Variants in OR11A1 observed in about 807,000 individuals in gnomAD.
The protein encoded by OR11A1 is olfactory receptor 11A1.
For synonymous variants in OR11A1, 158 were observed against 152.2 expected, an observed-to-expected ratio of 1.04 and a Z score of -0.28; for missense variants, 380 against 378.2, an observed-to-expected ratio of 1.00 and a Z score of -0.04.
chr6:29,442,073 G>A (rs1344713088), intron 1 of OR11A1, among the ~76,000 whole-genome samples: 1 of 152,182 alleles, frequency 6.6e-6, no homozygotes, highest in Non-Finnish European at 1.5e-5. Context: ...ATAGTATCTT[G>A]ATAGATGTTT....
intron 4 of OR11A1, 128 bp from the exon 5 acceptor site, chr6:29,427,860 T>A: frequency 1.4e-6 from 1 of 712,146 alleles, no homozygotes; most frequent in Non-Finnish European, 2.2e-6. Flanking sequence ...CTGCCTTCCT[T>A]AATTGTGCAT....
At chr6:29,427,831 C>A in intron 4 of OR11A1, 99 bp from the exon 5 acceptor site, 1 of 868,216 alleles carries the variant, frequency 1.2e-6, no homozygotes, top group South Asian at 2.0e-5. Flanking sequence ...GTCATTCCTT[C>A]CTCAACTCTC....
chr6:29,452,374 CA>C (rs1206308593), intron 1 of OR11A1, among the ~76,000 whole-genome samples: 2 of 151,752 alleles, frequency 1.3e-5, no homozygotes, highest in African/African-American at 2.4e-5. Flanking sequence ...AAAGGGCAAA[CA>C]AAAAAATTGT....
chr6:29,448,642 G>A (rs570602158), intron 1 of OR11A1, among the ~76,000 whole-genome samples: 21 of 152,174 alleles, frequency 1.4e-4, no homozygotes, highest in African/African-American at 4.3e-4. Flanking sequence ...GCAATTTTCT[G>A]TGTCCATTCT....
intron 1 of OR11A1, among the ~76,000 whole-genome samples, chr6:29,436,050 T>A (rs1453822333): frequency 1.3e-5 from 2 of 152,182 alleles, no homozygotes; most frequent in African/African-American, 2.4e-5. Context: ...GTGGATTCAG[T>A]ATTTGCAAAG....
rs1260700941 is a variant in OR11A1, at chr6:29,431,860, G to C, written c.-265+4C>G. 1 of 985,218 alleles carries C rather than the reference G, an allele frequency of 1.0e-6. No individual in the cohort carries two copies. Among genetic ancestry groups the C allele is most frequent in the Non-Finnish European group, 1.2e-6 (1 of 829,824 alleles). 61.0% of individuals were successfully genotyped at this position (985,218 alleles called of 1,614,324 possible). ...TGTAAAGAATTTTACAAAAATAAAC[G>C]TACCCGAAATATCGACCCTGTTCTC... On this transcript the variant is annotated splice_donor_region_variant and intron_variant, in intron 2 of 4. Coordinates refer to ENST00000377149, the MANE Select transcript of OR11A1 (RefSeq NM_001394828.1).
intron 1 of OR11A1, among the ~76,000 whole-genome samples, chr6:29,435,645 G>C (rs1263865955): frequency 6.6e-6 from 1 of 152,046 alleles, no homozygotes; most frequent in African/African-American, 2.4e-5. Context: ...AACTTCTTGA[G>C]GATTAACAAT....
intron 4 of OR11A1, chr6:29,428,421 A>G: frequency 1.0e-6 from 1 of 985,434 alleles, no homozygotes; most frequent in Non-Finnish European, 1.2e-6. Context: ...AGGCTTTCTG[A>G]AGATAGAAGC....
chr6:29,444,947 A>G (rs957806435), intron 1 of OR11A1, among the ~76,000 whole-genome samples: 1 of 151,892 alleles, frequency 6.6e-6, no homozygotes, highest in Non-Finnish European at 1.5e-5. Flanking sequence ...ATCCCATGGG[A>G]CCCACTCACT....
intron 1 of OR11A1, among the ~76,000 whole-genome samples, chr6:29,451,758 G>C (rs1010615129): frequency 1.3e-5 from 2 of 152,198 alleles, no homozygotes; most frequent in Admixed American, 6.5e-5. Context: ...ATGCTGCTGA[G>C]AATGTATGTT....
At chr6:29,436,078 T>C (rs1003334729) in intron 1 of OR11A1, among the ~76,000 whole-genome samples, 1 of 152,142 alleles carries the variant, frequency 6.6e-6, no homozygotes, top group East Asian at 1.9e-4. Flanking sequence ...CTCCCTAACA[T>C]CTATTTTTAA....
intron 1 of OR11A1, among the ~76,000 whole-genome samples, chr6:29,444,172 G>A (rs893530359): frequency 3.9e-5 from 6 of 152,132 alleles, no homozygotes; most frequent in African/African-American, 1.2e-4. Flanking sequence ...GGTCTCACAT[G>A]ATCTGATGGT....
intron 1 of OR11A1, among the ~76,000 whole-genome samples, chr6:29,438,249 C>A (rs1783798015): frequency 6.6e-6 from 1 of 151,506 alleles, no homozygotes; most frequent in African/African-American, 2.4e-5. Flanking sequence ...TAATAGATAC[C>A]AATGATAAAA....
At chr6:29,455,189 C>T (rs1404855398) in intron 1 of OR11A1, among the ~76,000 whole-genome samples, 5 of 152,140 alleles carry the variant, frequency 3.3e-5, no homozygotes, top group Non-Finnish European at 7.4e-5. Context: ...TTAAAAGCTT[C>T]TTCTCCTTTG....
In OR11A1 at chr6:29,430,433, G is replaced by GA; in HGVS notation, c.-264-9dup. On this transcript the variant is annotated splice_polypyrimidine_tract_variant and intron_variant, in intron 2 of 4. Coordinates refer to ENST00000377149, the MANE Select transcript of OR11A1 (RefSeq NM_001394828.1). The stretch of plus-strand genomic sequence containing the variant: ...AGTCTTTCTATAGGATTCCTGCCAG[G>GA]AGAGAGGTGAGCATGTAAATCAGGC... 1.0e-6 allele frequency: 1 copy of GA among 985,368 alleles called. No individual in the cohort carries two copies. Among genetic ancestry groups the GA allele is most frequent in the Non-Finnish European group, 1.2e-6 (1 of 829,912 alleles). The allele number at this position is 985,368 out of a possible 1,614,324, so 61.0% of individuals were successfully genotyped here.
In OR11A1 at chr6:29,433,965, T is replaced by A. The variant is rs529163771; in HGVS notation, c.-388-1978A>T. Among the ~76,000 whole-genome samples, 16 of 152,302 alleles carry A rather than the reference T, an allele frequency of 1.1e-4. No individual in the cohort carries two copies. In the East Asian group the frequency reaches 2.3e-3, roughly 22 times the overall value. On this transcript the variant is annotated intron_variant, in intron 1 of 4. Coordinates refer to ENST00000377149, the MANE Select transcript of OR11A1 (RefSeq NM_001394828.1). ...CTTGTACCTGTTTGTCATTTGTACGTCTTCTTTTGAGAAATGTCTATTCAG... is the reference window on the plus strand; with the variant it reads ...CTTGTACCTGTTTGTCATTTGTACGACTTCTTTTGAGAAATGTCTATTCAG...
chr6:29,426,988 A>G lies in OR11A1; in HGVS notation c.654T>C (p.Ser218=), dbSNP rs765535999. Residue 218 remains serine, a synonymous_variant, in exon 5 of 5, where the codon TCT becomes TCC. Coordinates refer to ENST00000377149, the MANE Select transcript of OR11A1 (RefSeq NM_001394828.1). The part of the protein sequence containing the change: ...LTIPFGLILT[S]YARIVVAVLR... ...GCACTGCCACCACAATTCTGGCATA[A>G]GATGTCAGAATCAGTCCAAAAGGAA... 2.5e-6 allele frequency: 4 copies of G among 1,612,996 alleles called. No homozygotes were observed. The Admixed American group carries it at 5.0e-5, about 20-fold the overall frequency.
rs768338650 is a variant in OR11A1, at chr6:29,426,930, C to T, written c.712G>A (p.Ala238Thr). The T allele has an allele frequency of 6.2e-7, 1 of 1,612,946 alleles. No individual in the cohort carries two copies. The highest frequency in any genetic ancestry group is 1.7e-5 in the Admixed American group (1 of 60,012). ...AGGTGGGAGGAGCATGTGGAGAAAG[C>T]CCTTCTCCTGCTTGCCCCAGCAGGA... is the stretch of plus-strand genomic sequence containing the variant. The part of the protein sequence containing the change: ...RVPAGASRRR[A>T]FSTCSSHLAV... The change falls in exon 5 of 5, where the codon GCT (alanine) becomes ACT (threonine). Residue 238 changes from alanine (A) to threonine (T), a missense_variant. Physicochemically the swap from Ala to Thr is moderately conservative, Grantham distance 58. Coordinates refer to ENST00000377149, the MANE Select transcript of OR11A1 (RefSeq NM_001394828.1).
At chr6:29,438,111 T>G (rs55740552) in intron 1 of OR11A1, among the ~76,000 whole-genome samples, 6,166 of 152,266 alleles carry the variant, frequency 0.04, 169 homozygotes, top group South Asian at 0.097. Context: ...ATAAGTAAAT[T>G]TATTACTTAA....
Sources: allele counts gnomAD v4.1 joint callset (sites outside exome capture counted in the v4.1 genomes callset), GRCh38; gene constraint gnomAD v4.1.1; transcripts MANE v1.5; gene names NCBI Gene and HGNC (gene_info 2026-07-23, HGNC 2026-07-21).